The following PRR16 variants were observed in gnomAD, a reference collection of about 807,000 sequenced individuals.
PRR16 encodes the protein proline rich 16, also known as protein Largen.
In PRR16, 6 loss-of-function variants were observed where a neutral mutation model predicts 18.2. The ratio of observed to expected loss-of-function variants is 0.33; its 90% CI spans 0.18 to 0.65. The LOEUF is 0.65. Ranked by LOEUF, PRR16 falls within the 30% of genes least tolerant of loss-of-function variation. The pLI is 0.74. For synonymous variants in PRR16, 151 were observed against 147.8 expected (o/e 1.02, Z -0.16); for missense variants, 412 against 376.6 (o/e 1.09, Z -0.78).
the PRR16 span, among the ~76,000 whole-genome samples, chr5:120,729,976 G>T: frequency 2.8e-4 from 43 of 152,232 alleles, no homozygotes; most frequent in African/African-American, 9.9e-4. Context: ...CCAAGGAAAT[G>T]GAGAGATAGC....
chr5:120,591,455 A>G, intron 1 of PRR16, among the ~76,000 whole-genome samples: 1 of 151,916 alleles, frequency 6.6e-6, no homozygotes, highest in East Asian at 1.9e-4. Context: ...TTATAAAGGG[A>G]TATAATCCTT....
intron 1 of PRR16, among the ~76,000 whole-genome samples, chr5:120,635,640 T>C (rs1044310768): frequency 2.4e-4 from 37 of 152,148 alleles, no homozygotes; most frequent in African/African-American, 8.4e-4. Flanking sequence ...AAACCATCTA[T>C]GATAAACCCA....
intron 1 of PRR16, among the ~76,000 whole-genome samples, chr5:120,615,637 G>A (rs559803107): frequency 6.6e-6 from 1 of 151,962 alleles, no homozygotes; most frequent in African/African-American, 2.4e-5. Flanking sequence ...CTTGTTAAAT[G>A]TTTTAACCAT....
chr5:120,688,523 C>T (rs1020539380), downstream of PRR16, among the ~76,000 whole-genome samples: 2 of 152,064 alleles, frequency 1.3e-5, no homozygotes, highest in African/African-American at 4.8e-5. Flanking sequence ...CTTTTTAATG[C>T]ATGCATTTAG....
At chr5:120,693,412 A>C in the PRR16 span, among the ~76,000 whole-genome samples, 1 of 152,242 alleles carries the variant, frequency 6.6e-6, no homozygotes, top group Admixed American at 6.5e-5. Context: ...ACCCCAGATG[A>C]ATTTCTAAGG....
intron 1 of PRR16, among the ~76,000 whole-genome samples, chr5:120,555,515 G>T (rs1318964211): frequency 2.0e-5 from 3 of 151,542 alleles, no homozygotes; most frequent in Non-Finnish European, 4.4e-5. Flanking sequence ...GTGGGGTGGG[G>T]TGTGTGTGTG....
the PRR16 span, among the ~76,000 whole-genome samples, chr5:120,773,985 A>C: frequency 6.6e-6 from 1 of 152,130 alleles, no homozygotes; most frequent in Admixed American, 6.6e-5. Context: ...ACCACTTACA[A>C]AACTTGATAA....
At chr5:120,668,550 T>C (rs550428692) in intron 1 of PRR16, among the ~76,000 whole-genome samples, 3 of 152,146 alleles carry the variant, frequency 2.0e-5, no homozygotes, top group Non-Finnish European at 2.9e-5. Context: ...TTCCTAGTCT[T>C]GATGGTCTTT....
rs549898459 is a variant in PRR16 at position 120,596,650 on chromosome 5, A to G, written c.160-89304A>G. Among the ~76,000 whole-genome samples, 14 of 151,808 alleles carry G rather than the reference A, an allele frequency of 9.2e-5. No individual in the cohort carries two copies. In the South Asian group the frequency reaches 2.9e-3, roughly 32 times the overall value. On this transcript the variant is annotated intron_variant, in intron 1 of 1. Transcript: ENST00000407149. ...TTTTTACACCAAACAAAATATCACAAATACAACGTATATCATTTGTGTAAG... is the reference window on the plus strand; with the variant it reads ...TTTTTACACCAAACAAAATATCACAGATACAACGTATATCATTTGTGTAAG...
chr5:120,707,262 G>C, the PRR16 span, among the ~76,000 whole-genome samples: 4 of 152,106 alleles, frequency 2.6e-5, no homozygotes, highest in African/African-American at 9.7e-5. Context: ...GCTTGCTCTA[G>C]TCTCCCAGCT....
chr5:120,491,842 C>A (rs752924023), intron 1 of PRR16, among the ~76,000 whole-genome samples: 1 of 152,150 alleles, frequency 6.6e-6, no homozygotes, highest in Non-Finnish European at 1.5e-5. Context: ...CTGTGCCCAG[C>A]TGACATACAC....
At chr5:120,668,765 G>T (rs897554148) in intron 1 of PRR16, among the ~76,000 whole-genome samples, 2 of 152,100 alleles carry the variant, frequency 1.3e-5, no homozygotes, top group African/African-American at 4.8e-5. Context: ...TTTTCTTTAA[G>T]AATGTTGAAT....
intron 1 of PRR16, among the ~76,000 whole-genome samples, chr5:120,520,826 C>CA (rs1444237568): frequency 2.2e-4 from 33 of 151,640 alleles, no homozygotes; most frequent in African/African-American, 4.8e-4. Flanking sequence ...CTCTTTCTAC[C>CA]AAAAAAACTC....
At chr5:120,464,904 G>T (rs1256272561) in intron 1 of PRR16, among the ~76,000 whole-genome samples, 1 of 152,052 alleles carries the variant, frequency 6.6e-6, no homozygotes, top group Non-Finnish European at 1.5e-5. Context: ...GAACGCACGC[G>T]TGTCTCTGAA....
At chr5:120,683,844 T>C (rs1757042310) in intron 1 of PRR16, among the ~76,000 whole-genome samples, 2 of 151,958 alleles carry the variant, frequency 1.3e-5, no homozygotes, top group African/African-American at 4.8e-5. Context: ...GTTTTCAGAA[T>C]TGATCTTTAT....
the PRR16 span, among the ~76,000 whole-genome samples, chr5:120,784,740 A>G: frequency 6.6e-6 from 1 of 152,292 alleles, no homozygotes; most frequent in African/African-American, 2.4e-5. Flanking sequence ...TCTCAAGGAA[A>G]CTTTTGCTCA....
chr5:120,707,908 G>C, the PRR16 span, among the ~76,000 whole-genome samples: 6 of 152,180 alleles, frequency 3.9e-5, no homozygotes, highest in African/African-American at 9.7e-5. Flanking sequence ...CCTGGGGTCA[G>C]ATCCAGGTGG....
At chr5:120,622,306 T>C (rs1206907751) in intron 1 of PRR16, among the ~76,000 whole-genome samples, 1 of 152,090 alleles carries the variant, frequency 6.6e-6, no homozygotes, top group African/African-American at 2.4e-5. Flanking sequence ...TAGTTCTTGT[T>C]TTCTATCTTT....
At chr5:120,743,088 C>G in the PRR16 span, among the ~76,000 whole-genome samples, 1 of 152,170 alleles carries the variant, frequency 6.6e-6, no homozygotes, top group Non-Finnish European at 1.5e-5. Context: ...TGTAATGTAA[C>G]TATTTATAGG....
Sources: gnomAD v4.1 joint callset for allele counts (sites outside exome capture counted in the v4.1 genomes callset) on GRCh38, gnomAD v4.1.1 for gene constraint, MANE v1.5 for transcripts, NCBI Gene and HGNC (gene_info 2026-07-23, HGNC 2026-07-21) for gene names.